The following EPS8 variants were observed in gnomAD, a reference collection of about 807,000 sequenced individuals.
The protein encoded by EPS8 is epidermal growth factor receptor kinase substrate 8.
In EPS8, 42 loss-of-function variants were observed where a neutral mutation model predicts 103.8. The ratio of observed to expected loss-of-function variants is 0.40; its 90% CI spans 0.32 to 0.52. The LOEUF (loss-of-function observed/expected upper bound fraction) is 0.52, where lower values mean the gene tolerates loss of function less well. Among genes scored for constraint, EPS8 ranks in the 20% least tolerant of loss-of-function variants. The pLI, the probability that EPS8 is intolerant of heterozygous loss-of-function variation, is 0.40. For synonymous variants in EPS8, 344 were observed against 344.6 expected (o/e 1.00, Z 0.02); for missense variants, 969 against 1,005.1 (o/e 0.96, Z 0.49).
intron 8 of EPS8, chr12:15,665,484 C>A (rs1945691243): frequency 2.7e-6 from 1 of 370,298 alleles, no homozygotes; most frequent in South Asian, 2.5e-5. Context: ...GCGCATGCCA[C>A]CACACCCACC....
At position 15,669,779 on chromosome 12, in the gene EPS8, A is replaced by G. The variant is rs753464568; in HGVS notation, c.251T>C (p.Val84Ala). 11 of 1,613,146 alleles carry G rather than the reference A, an allele frequency of 6.8e-6. No individual in the cohort carries two copies. In the South Asian group the frequency reaches 1.1e-4, roughly 16 times the overall value. The change falls in exon 5 of 21, where the codon GTT becomes GCT. Residue 84 changes from valine (V) to alanine (A), a missense_variant. By Grantham distance (64) the Val-to-Ala change is moderately conservative (BLOSUM62 0). Transcript: ENST00000281172. ...TTTCAATTTCCTTATTCCATCATCA[A>G]CAGTGATCATAGCATCTTTCCGATC... ...VLDRKDAMIT[V>A]DDGIRKLKLL...
chr12:15,784,922 A>G lies in EPS8; in HGVS notation c.-22+4239T>C, dbSNP rs1430340729. Reference sequence around the variant, plus strand: ...ATCTGGAAAAGGCAAAAGTAAAGAGACAGTAAAAAGATACGTGGTTTTCTG... The same window carrying G: ...ATCTGGAAAAGGCAAAAGTAAAGAGGCAGTAAAAAGATACGTGGTTTTCTG... On this transcript the variant is annotated intron_variant, in intron 1 of 20. Transcript: ENST00000281172. The surrounding 1 kb of genome is among the most constrained non-coding windows in gnomAD (Gnocchi z 4.0). Among the ~76,000 whole-genome samples, 1 of 152,136 alleles carries G rather than the reference A, an allele frequency of 6.6e-6. No homozygotes were observed. Among genetic ancestry groups the G allele is most frequent in the Non-Finnish European group, 1.5e-5 (1 of 67,954 alleles).
rs1182590216 is a variant in EPS8 at position 15,727,224 on chromosome 12, A to C, written c.-21-44252T>G. On this transcript the variant is annotated intron_variant, in intron 1 of 20. Coordinates refer to ENST00000281172, the MANE Select transcript of EPS8 (RefSeq NM_004447.6). The surrounding 1 kb of genome is among the most constrained non-coding windows in gnomAD (Gnocchi z 4.3). Reference sequence around the variant, plus strand: ...GGGGTTCTGATTACTTCCCTCGTGGATTTAATATCTACCTTTATACGTAGG... The same window carrying C: ...GGGGTTCTGATTACTTCCCTCGTGGCTTTAATATCTACCTTTATACGTAGG... 6.6e-6 allele frequency among the ~76,000 whole-genome samples: 1 copy of C among 152,198 alleles called. No homozygotes were observed. Among genetic ancestry groups the C allele is most frequent in the Non-Finnish European group, 1.5e-5 (1 of 68,034 alleles).
intron 1 of EPS8, among the ~76,000 whole-genome samples, chr12:15,765,147 G>A (rs930894940): frequency 2.6e-5 from 4 of 152,120 alleles, no homozygotes; most frequent in African/African-American, 9.7e-5. Context: ...TTTTCAGTTT[G>A]CAAATCAAAA....
chr12:15,663,362 G>C (rs2135823657), intron 8 of EPS8, among the ~76,000 whole-genome samples: 1 of 152,164 alleles, frequency 6.6e-6, no homozygotes, highest in African/African-American at 2.4e-5. Flanking sequence ...ATATGCCTCA[G>C]GGATTCAACG....
chr12:15,730,526 A>G (rs1375833330), intron 1 of EPS8, among the ~76,000 whole-genome samples: 1 of 152,190 alleles, frequency 6.6e-6, no homozygotes, highest in Non-Finnish European at 1.5e-5. Context: ...GATACACTAG[A>G]ACTAGACTAT....
chr12:15,669,502 T>C lies in EPS8; in HGVS notation c.401A>G (p.Gln134Arg), dbSNP rs1301030593. 2 of 1,608,854 alleles carry C rather than the reference T, an allele frequency of 1.2e-6. No homozygotes were observed. The highest frequency in any genetic ancestry group is 1.7e-6 in the Non-Finnish European group (2 of 1,178,276). The part of the protein sequence containing the change: ...ELENFPLNTI[Q>R]HCQAVMHSCS... ...TGAATGCATCACAGCTTGGCAGTGC[T>C]GGATTGTGTTTAAAGGAAAATTCTC... The change falls in exon 6 of 21, where the codon CAG becomes CGG. Residue 134 changes from glutamine (Q) to arginine (R), a missense_variant. Coordinates refer to ENST00000281172, the MANE Select transcript of EPS8 (RefSeq NM_004447.6).
intron 14 of EPS8, among the ~76,000 whole-genome samples, chr12:15,650,095 A>C (rs1945386071): frequency 6.6e-6 from 1 of 152,224 alleles, no homozygotes; most frequent in South Asian, 2.1e-4. Context: ...GTGACAAAAC[A>C]GCATACTCAA....
intron 1 of EPS8, among the ~76,000 whole-genome samples, chr12:15,744,950 A>G (rs536198669): frequency 6.6e-6 from 1 of 151,874 alleles, no homozygotes; most frequent in South Asian, 2.1e-4. Context: ...ATCTCGGCTC[A>G]CCTCCCAGGT....
chr12:15,673,361 AG>A (rs533152446), intron 3 of EPS8, among the ~76,000 whole-genome samples: 12 of 152,328 alleles, frequency 7.9e-5, no homozygotes, highest in African/African-American at 2.9e-4. Context: ...CAATCCATAA[AG>A]GTTAATATTA....
Position 15,762,065 on chromosome 12 carries a change from T to C in EPS8, c.-22+27096A>G, listed in dbSNP as rs772711144. Among the ~76,000 whole-genome samples the C allele has an allele frequency of 6.6e-6, 1 of 152,092 alleles. No individual in the cohort carries two copies. The highest frequency in any genetic ancestry group is 1.9e-4 in the East Asian group (1 of 5,190). On this transcript the variant is annotated intron_variant, in intron 1 of 20. Transcript: ENST00000281172. The surrounding 1 kb of genome is among the most constrained non-coding windows in gnomAD (Gnocchi z 4.8). Reference sequence around the variant, plus strand: ...AAGAGATTAATAATCAGAATATATATAGAGCTCAAACAACTCTACAAGAAA... The same window carrying C: ...AAGAGATTAATAATCAGAATATATACAGAGCTCAAACAACTCTACAAGAAA...
At position 15,768,168 on chromosome 12, in the gene EPS8, G is replaced by A. The variant is rs150046074; in HGVS notation, c.-22+20993C>T. ...ATTTAAGAATTTTAAGGCTGGGCAC[G>A]GTGGCTCACGTTTGTAATCCCAGCA... is the stretch of plus-strand genomic sequence containing the variant. On this transcript the variant is annotated intron_variant, in intron 1 of 20. Transcript: ENST00000281172. Among the ~76,000 whole-genome samples the A allele has an allele frequency of 7.2e-3, 1,093 of 152,078 alleles. 14 individuals are homozygous for A. Among genetic ancestry groups the A allele is most frequent in the African/African-American group, 0.025 (1,054 of 41,500 alleles).
intron 1 of EPS8, among the ~76,000 whole-genome samples, chr12:15,765,836 C>CG (rs1300021945): frequency 7.7e-6 from 1 of 130,226 alleles, no homozygotes; most frequent in Non-Finnish European, 1.6e-5. Flanking sequence ...TTTTTTGAGA[C>CG]GGAGTCTTGC....
intron 1 of EPS8, among the ~76,000 whole-genome samples, chr12:15,783,137 C>T: frequency 6.6e-6 from 1 of 152,106 alleles, no homozygotes; most frequent in East Asian, 1.9e-4. Flanking sequence ...CCAGCCCTGC[C>T]CCTCCATTCC....
Position 15,787,109 on chromosome 12 carries a change from C to T in EPS8, c.-22+2052G>A, listed in dbSNP as rs144523659. On this transcript the variant is annotated intron_variant, in intron 1 of 20. Transcript: ENST00000281172. This position sits in a 1 kb window ranked among gnomAD's most constrained non-coding sequence, Gnocchi z 4.9. ...TATTTAAAGAGACAACTTTTAAAAA[C>T]CTATCATTTCCTATTCTGGATACTA... 1.3e-5 allele frequency among the ~76,000 whole-genome samples: 2 copies of T among 152,202 alleles called. No individual in the cohort carries two copies. The highest frequency in any genetic ancestry group is 1.3e-4 in the Admixed American group (2 of 15,284).
chr12:15,783,320 G>A lies in EPS8; in HGVS notation c.-22+5841C>T, dbSNP rs1014207371. 5.9e-5 allele frequency among the ~76,000 whole-genome samples: 9 copies of A among 152,182 alleles called. No homozygotes were observed. In the East Asian group the frequency reaches 1.7e-3, roughly 29 times the overall value. Reference sequence around the variant, plus strand: ...TATACATATAATATACAAAATGTGTGTTAACAGACTGTGTTATCAGTAAGG... The same window carrying A: ...TATACATATAATATACAAAATGTGTATTAACAGACTGTGTTATCAGTAAGG... On this transcript the variant is annotated intron_variant, in intron 1 of 20. Coordinates refer to ENST00000281172, the MANE Select transcript of EPS8 (RefSeq NM_004447.6).
Position 15,690,829 on chromosome 12 carries a change from A to G in EPS8, c.-21-7857T>C, listed in dbSNP as rs1565502244. Among the ~76,000 whole-genome samples the G allele has an allele frequency of 2.0e-5, 3 of 152,176 alleles. No homozygotes were observed. Among genetic ancestry groups the G allele is most frequent in the African/African-American group, 7.2e-5 (3 of 41,448 alleles). The stretch of plus-strand genomic sequence containing the variant: ...ATGCCTCTTAACATTTTGCCCACAA[A>G]GATAAAAATGCACTCTTTTCAAAAT... On this transcript the variant is annotated intron_variant, in intron 1 of 20. Coordinates refer to ENST00000281172, the MANE Select transcript of EPS8 (RefSeq NM_004447.6). The surrounding 1 kb of genome is among the most constrained non-coding windows in gnomAD (Gnocchi z 4.7).
chr12:15,692,812 T>C (rs997268492), intron 1 of EPS8, among the ~76,000 whole-genome samples: 1 of 152,106 alleles, frequency 6.6e-6, no homozygotes, highest in African/African-American at 2.4e-5. Context: ...TTATTTCTTC[T>C]ATCAGTTCCA....
chr12:15,637,851 T>C (rs895611815), intron 17 of EPS8, among the ~76,000 whole-genome samples: 1 of 152,214 alleles, frequency 6.6e-6, no homozygotes, highest in African/African-American at 2.4e-5. Context: ...CCATGGCAGA[T>C]GACCTGTGGA....
Sources: allele counts gnomAD v4.1 joint callset (sites outside exome capture counted in the v4.1 genomes callset), GRCh38; gene constraint gnomAD v4.1.1; non-coding constraint Gnocchi (gnomAD v3.1); transcripts MANE v1.5; gene names NCBI Gene and HGNC (gene_info 2026-07-23, HGNC 2026-07-21).